CHD1L: variants seen among roughly 807,000 people sequenced by gnomAD.
CHD1L encodes the protein chromodomain helicase DNA binding protein 1 like, also known as ATP-dependent chromatin remodeler CHD1L.
CHD1L carries 118 observed loss-of-function variants against 115.9 expected under a neutral mutation model. That is an observed-to-expected ratio of 1.02 (90% CI 0.88 to 1.19). The LOEUF is 1.19. Among genes scored for constraint, CHD1L ranks in the 50% most tolerant of loss-of-function variants. The pLI, the probability that CHD1L is intolerant of heterozygous loss-of-function variation, is 0.00. For synonymous variants in CHD1L, 411 were observed against 387.1 expected, an observed-to-expected ratio of 1.06 and a Z score of -0.72; for missense variants, 1,179 against 1,065.3, an observed-to-expected ratio of 1.11 and a Z score of -1.49.
At chr1:147,179,951 TA>T in the CHD1L span, among the ~76,000 whole-genome samples, 61,574 of 143,436 alleles carry the variant, frequency 0.43, 13,641 homozygotes, top group African/African-American at 0.62. Flanking sequence ...CTTTAAACTG[TA>T]AAAAAAAAAA....
chr1:147,265,909 T>C (rs782251956), intron 7 of CHD1L, 23 bp from the exon 8 acceptor site: 1 of 1,595,378 alleles, frequency 6.3e-7, no homozygotes, highest in Non-Finnish European at 8.5e-7. Context: ...CCCACACTTC[T>C]TGTATTTTTT....
In CHD1L at chr1:147,272,201, TGA is replaced by T. The variant is rs782298903; in HGVS notation, c.1194_1195del (p.Gly399ArgfsTer8). ...AGCTATGAGCGTGTGGATGGTTCTG[TGA>T]GAGGAGAAGAGAGACACTTGGCCAT... On this transcript the variant is annotated frameshift_variant, in exon 12 of 23. Coordinates refer to ENST00000369258, the MANE Select transcript of CHD1L (RefSeq NM_004284.6). LOFTEE classifies it high-confidence loss of function. 1 of 1,614,072 alleles carries T rather than the reference TGA, an allele frequency of 6.2e-7. No individual in the cohort carries two copies. Among genetic ancestry groups the T allele is most frequent in the South Asian group, 1.1e-5 (1 of 91,084 alleles).
At chr1:147,242,353 T>G (rs1467219005), upstream of CHD1L, among the ~76,000 whole-genome samples, 88 of 152,126 alleles carry the variant, frequency 5.8e-4, no homozygotes, top group Non-Finnish European at 8.8e-5. Context: ...CAGCGGAGTG[T>G]CTGACACATG....
chr1:147,239,491 A>T (rs587636815), upstream of CHD1L, among the ~76,000 whole-genome samples: 1 of 152,098 alleles, frequency 6.6e-6, no homozygotes, highest in East Asian at 1.9e-4. Flanking sequence ...TTTTCAATAG[A>T]TCTAGTAGCA....
At chr1:147,289,591 T>G (rs781919955) in intron 19 of CHD1L, among the ~76,000 whole-genome samples, 1 of 152,152 alleles carries the variant, frequency 6.6e-6, no homozygotes, top group Non-Finnish European at 1.5e-5. Flanking sequence ...TGAAGCAGGT[T>G]GCAGCAAAGT....
chr1:147,199,118 A>C, the CHD1L span, among the ~76,000 whole-genome samples: 1 of 152,192 alleles, frequency 6.6e-6, no homozygotes, highest in Non-Finnish European at 1.5e-5. Context: ...TCTAGAAAAG[A>C]GTAGAATATT....
chr1:147,187,277 T>C, the CHD1L span: 1 of 1,483,842 alleles, frequency 6.7e-7, no homozygotes, highest in Non-Finnish European at 9.1e-7. Flanking sequence ...CCATGGCCTG[T>C]CAATAATTCA....
At chr1:147,268,969 A>T in intron 10 of CHD1L, 91 bp downstream of exon 10, 3 of 841,264 alleles carry the variant, frequency 3.6e-6, no homozygotes, top group South Asian at 1.7e-5. Flanking sequence ...GGCCAATTCC[A>T]GTTTTCTTTT....
At chr1:147,181,129 T>A in the CHD1L span, among the ~76,000 whole-genome samples, 1 of 152,194 alleles carries the variant, frequency 6.6e-6, no homozygotes, top group Non-Finnish European at 1.5e-5. Flanking sequence ...AAGTCTCTCA[T>A]ACAGAATTCC....
chr1:147,195,945 T>C, the CHD1L span, among the ~76,000 whole-genome samples: 4 of 152,148 alleles, frequency 2.6e-5, no homozygotes, highest in Non-Finnish European at 5.9e-5. Flanking sequence ...AACATTATTG[T>C]TTTTATTGAC....
At chr1:147,229,953 C>A in the CHD1L span, among the ~76,000 whole-genome samples, 7 of 149,950 alleles carry the variant, frequency 4.7e-5, no homozygotes, top group African/African-American at 1.0e-4. Flanking sequence ...TGTCTTCTGC[C>A]AACAGGGACA....
At chr1:147,213,346 T>C in the CHD1L span, 2 of 1,612,842 alleles carry the variant, frequency 1.2e-6, no homozygotes, top group South Asian at 1.1e-5. Flanking sequence ...ATTGGTGTGA[T>C]GGCCAGTGCA....
the CHD1L span, chr1:147,225,491 G>C: frequency 6.1e-6 from 1 of 163,468 alleles, no homozygotes; most frequent in African/African-American, 2.4e-5. Context: ...GGAATAAAAC[G>C]TGGGCTGAAG....
At chr1:147,275,125 C>T (rs963163811) in intron 12 of CHD1L, among the ~76,000 whole-genome samples, 19 of 152,208 alleles carry the variant, frequency 1.2e-4, no homozygotes, top group Non-Finnish European at 2.1e-4. Flanking sequence ...TCCGCTCATT[C>T]TGTTCCATTC....
Position 147,285,250 on chromosome 1 carries a change from A to C in CHD1L, c.1855-74A>C, listed in dbSNP as rs1572119251. 4 of 1,481,666 alleles carry C rather than the reference A, an allele frequency of 2.7e-6. No individual in the cohort carries two copies. In the Admixed American group the frequency reaches 8.0e-5, roughly 30 times the overall value. 91.8% of individuals were successfully genotyped at this position (1,481,666 alleles called of 1,614,324 possible). ...AATATTAAGCATGTTGCTTCCGTACAGTGTGTGTTAGGGATAATGAAATTC... is the reference window on the plus strand; with the variant it reads ...AATATTAAGCATGTTGCTTCCGTACCGTGTGTGTTAGGGATAATGAAATTC... On this transcript the variant is annotated intron_variant, in intron 16 of 22. Coordinates refer to ENST00000369258, the MANE Select transcript of CHD1L (RefSeq NM_004284.6).
At chr1:147,207,969 G>C in the CHD1L span, among the ~76,000 whole-genome samples, 1 of 152,140 alleles carries the variant, frequency 6.6e-6, no homozygotes, top group East Asian at 1.9e-4. Flanking sequence ...AACTGAATCT[G>C]TCAGCTTCTT....
At chr1:147,192,262 T>G in the CHD1L span, among the ~76,000 whole-genome samples, 1 of 152,116 alleles carries the variant, frequency 6.6e-6, no homozygotes, top group African/African-American at 2.4e-5. Flanking sequence ...TATTTTATTC[T>G]CTTTGAAGCA....
At chr1:147,178,425 T>G in the CHD1L span, 198 of 1,611,412 alleles carry the variant, frequency 1.2e-4, no homozygotes, top group East Asian at 3.6e-3. Flanking sequence ...CAACCCTGAA[T>G]ATGTTTAGAG....
the CHD1L span, chr1:147,187,287 A>C: frequency 2.1e-6 from 3 of 1,447,304 alleles, no homozygotes; most frequent in Non-Finnish European, 2.8e-6. Flanking sequence ...TCAATAATTC[A>C]ATCAGTCAGT....
Sources: gnomAD v4.1 joint callset for allele counts (sites outside exome capture counted in the v4.1 genomes callset) on GRCh38, gnomAD v4.1.1 for gene constraint, MANE v1.5 for transcripts, NCBI Gene and HGNC (gene_info 2026-07-23, HGNC 2026-07-21) for gene names.